The following TXNRD1 variants were observed in gnomAD, a reference collection of about 807,000 sequenced individuals.
The protein encoded by TXNRD1 is thioredoxin reductase 1, cytoplasmic.
TXNRD1 carries 57 observed loss-of-function variants against 80.3 expected under a neutral mutation model. That is an observed-to-expected ratio of 0.71 (90% CI 0.57 to 0.89). The LOEUF (loss-of-function observed/expected upper bound fraction) is 0.89. Among genes scored for constraint, TXNRD1 ranks in the 40% least tolerant of loss-of-function variants. TXNRD1 has a pLI of 0.00. For missense variants in TXNRD1, 730 were observed against 803.0 expected, an observed-to-expected ratio of 0.91 and a Z score of 1.10; for synonymous variants, 291 against 285.2, an observed-to-expected ratio of 1.02 and a Z score of -0.20.
chr12:104,311,528 T>C, intron 5 of TXNRD1, 116 bp downstream of exon 5: 2 of 1,338,664 alleles, frequency 1.5e-6, no homozygotes, highest in Non-Finnish European at 2.0e-6. Flanking sequence ...TCCTGTGACA[T>C]TTTGCACATT....
intron 4 of TXNRD1, among the ~76,000 whole-genome samples, chr12:104,301,637 G>A (rs1358957452): frequency 6.6e-6 from 1 of 152,204 alleles, no homozygotes; most frequent in Non-Finnish European, 1.5e-5. Flanking sequence ...GTGCCCGGCT[G>A]CTTTTGTTGA....
At chr12:104,228,622 ACT>A (rs926039114) in intron 1 of TXNRD1, among the ~76,000 whole-genome samples, 3 of 152,092 alleles carry the variant, frequency 2.0e-5, no homozygotes, top group Non-Finnish European at 2.9e-5. Flanking sequence ...CAAGAGTGAA[ACT>A]CTCTCTCAAA....
intron 3 of TXNRD1, among the ~76,000 whole-genome samples, chr12:104,285,270 T>C (rs1793681299): frequency 5.3e-5 from 8 of 152,168 alleles, no homozygotes; most frequent in Non-Finnish European, 7.4e-5. Flanking sequence ...AGCAACTAAA[T>C]AGAACTAAGG....
chr12:104,254,630 G>GAAAAAAAAAAAAAAAAAAA (rs760022093), intron 2 of TXNRD1, among the ~76,000 whole-genome samples: 1 of 17,300 alleles, frequency 5.8e-5, no homozygotes, highest in Non-Finnish European at 1.1e-4. Flanking sequence ...TATGTCTATG[G>GAAAAAAAAAAAAAAAAAAA]AAAAAAAAAA....
At chr12:104,294,901 G>A (rs1593772479) in intron 4 of TXNRD1, among the ~76,000 whole-genome samples, 1 of 152,296 alleles carries the variant, frequency 6.6e-6, no homozygotes, top group East Asian at 1.9e-4. Context: ...AACTGCAGAG[G>A]CTACCAGAAC....
chr12:104,280,279 C>T lies in TXNRD1; in HGVS notation c.305-8652C>T, dbSNP rs554924104. 5.9e-5 allele frequency: 9 copies of T among 152,252 alleles called. No individual in the cohort carries two copies. In the East Asian group the frequency reaches 1.7e-3, roughly 29 times the overall value. 9.4% of individuals were successfully genotyped at this position (152,252 alleles called of 1,614,324 possible). A position where few individuals can be genotyped will look rare whatever the true frequency, so the allele number is the denominator to read the frequency against. On this transcript the variant is annotated intron_variant, in intron 3 of 16. Transcript: ENST00000525566. ...CATAAGTGACCTCCATGACTCAGCC[C>T]TTACCTTATAGGATTTCTTGGCAGT...
chr12:104,256,049 AT>A (rs2033242265), intron 2 of TXNRD1, among the ~76,000 whole-genome samples: 1 of 152,134 alleles, frequency 6.6e-6, no homozygotes, highest in Admixed American at 6.5e-5. Flanking sequence ...AGCTGTTCAC[AT>A]TTATTTATTT....
At chr12:104,296,362 G>A (rs543709281) in intron 4 of TXNRD1, among the ~76,000 whole-genome samples, 1 of 152,256 alleles carries the variant, frequency 6.6e-6, no homozygotes, top group East Asian at 1.9e-4. Context: ...AGAGAACAAT[G>A]AGGCTGGGCT....
At chr12:104,319,173 C>T (rs1329732383) in intron 8 of TXNRD1, 118 bp downstream of exon 8, 24 of 1,240,012 alleles carry the variant, frequency 1.9e-5, no homozygotes, top group Non-Finnish European at 2.6e-5. Context: ...CCCAGACTAT[C>T]CAGTTTGGTG....
intron 3 of TXNRD1, among the ~76,000 whole-genome samples, chr12:104,276,997 C>T (rs2033769665): frequency 6.6e-6 from 1 of 152,082 alleles, no homozygotes; most frequent in African/African-American, 2.4e-5. Context: ...CCTATAATCC[C>T]AGCACTTTGG....
intron 2 of TXNRD1, among the ~76,000 whole-genome samples, chr12:104,257,273 T>C (rs1273230538): frequency 1.3e-5 from 2 of 152,076 alleles, no homozygotes; most frequent in African/African-American, 2.4e-5. Flanking sequence ...CAGAGCATAA[T>C]AGGTTTTTTG....
chr12:104,269,150 C>T (rs1337660055), intron 3 of TXNRD1, among the ~76,000 whole-genome samples: 1 of 152,038 alleles, frequency 6.6e-6, no homozygotes, highest in African/African-American at 2.4e-5. Flanking sequence ...GGTAATCTGG[C>T]CCGCCTGGCC....
chr12:104,281,597 G>A (rs1167317383), intron 3 of TXNRD1, among the ~76,000 whole-genome samples: 1 of 151,564 alleles, frequency 6.6e-6, no homozygotes, highest in South Asian at 2.1e-4. Context: ...TAGTAGAGAT[G>A]GGGTTTCACT....
chr12:104,233,200 C>CGT (rs1565854933), intron 1 of TXNRD1, among the ~76,000 whole-genome samples: 2 of 152,136 alleles, frequency 1.3e-5, no homozygotes, highest in Non-Finnish European at 2.9e-5. Flanking sequence ...TTAACAGCTA[C>CGT]ATAGGGCTTA....
intron 4 of TXNRD1, chr12:104,304,820 G>T (rs2034823869): frequency 1.9e-6 from 3 of 1,614,032 alleles, no homozygotes; most frequent in Non-Finnish European, 2.5e-6. Flanking sequence ...TGAGGGAAAT[G>T]ATTCCAGTTG....
chr12:104,233,125 T>C (rs2032660590), intron 1 of TXNRD1, among the ~76,000 whole-genome samples: 1 of 152,242 alleles, frequency 6.6e-6, no homozygotes, highest in Non-Finnish European at 1.5e-5. Context: ...GAGCAGGTTA[T>C]AAGCCAGAAC....
chr12:104,249,935 C>CAAAAAAAA (rs59924751), intron 1 of TXNRD1, among the ~76,000 whole-genome samples: 1 of 102,542 alleles, frequency 9.8e-6, no homozygotes, highest in Non-Finnish European at 1.9e-5. Context: ...GACGCCGTCT[C>CAAAAAAAA]AAAAAAAAAA....
At chr12:104,246,920 G>C (rs1021164482) in intron 1 of TXNRD1, among the ~76,000 whole-genome samples, 3 of 152,140 alleles carry the variant, frequency 2.0e-5, no homozygotes, top group Non-Finnish European at 4.4e-5. Flanking sequence ...ATAAATACAA[G>C]TAGGGAGACT....
At chr12:104,302,506 T>TTTTTTTTTTTTTTC (rs2034671390) in intron 4 of TXNRD1, among the ~76,000 whole-genome samples, 1 of 147,762 alleles carries the variant, frequency 6.8e-6, no homozygotes, top group Non-Finnish European at 1.5e-5. Context: ...TTTTTTTTTT[T>TTTTTTTTTTTTTTC]TGAGACGGAG....
Sources: gnomAD v4.1 joint callset for allele counts (sites outside exome capture counted in the v4.1 genomes callset) on GRCh38, gnomAD v4.1.1 for gene constraint, MANE v1.5 for transcripts, NCBI Gene and HGNC (gene_info 2026-07-23, HGNC 2026-07-21) for gene names.